The following RHOQ variants were observed in gnomAD, a reference collection of about 807,000 sequenced individuals.
RHOQ encodes ras homolog family member Q, also known as rho-related GTP-binding protein RhoQ.
RHOQ carries 7 observed loss-of-function variants against 25.8 expected under a neutral mutation model. The observed-to-expected ratio is 0.27, with a 90% CI of 0.15 to 0.51. RHOQ has a LOEUF of 0.51. Ranked by LOEUF, RHOQ falls within the 20% of genes least tolerant of loss-of-function variation. The pLI is 0.97. For synonymous variants in RHOQ, 97 were observed against 98.6 expected, an observed-to-expected ratio of 0.98 and a Z score of 0.10; for missense variants, 165 against 260.6, an observed-to-expected ratio of 0.63 and a Z score of 2.53.
At position 46,543,145 on chromosome 2, in the gene RHOQ, C is replaced by T. The variant is rs773664456; in HGVS notation, c.99C>T (p.Ala33=). 5 of 1,612,286 alleles carry T rather than the reference C, an allele frequency of 3.1e-6. No homozygotes were observed. In the Admixed American group the frequency reaches 6.7e-5, roughly 22 times the overall value. The change falls in exon 1 of 5, where the codon GCC becomes GCT. Residue 33 remains alanine, a synonymous_variant. Coordinates refer to ENST00000238738, the MANE Select transcript of RHOQ (RefSeq NM_012249.4). The part of the protein sequence containing the change: ...TCLLMSYAND[A]FPEEYVPTVF... Reference sequence around the variant, plus strand: ...TACTCATGAGCTATGCCAACGACGCCTTCCCGGAGGAGTACGTGCCCACCG... The same window carrying T: ...TACTCATGAGCTATGCCAACGACGCTTTCCCGGAGGAGTACGTGCCCACCG...
chr2:46,551,105 G>C (rs931030174), intron 2 of RHOQ, among the ~76,000 whole-genome samples: 3 of 152,174 alleles, frequency 2.0e-5, no homozygotes, highest in Non-Finnish European at 4.4e-5. Flanking sequence ...CCCAGCAAGG[G>C]GCTTAACCTT....
chr2:46,543,928 C>A, intron 2 of RHOQ, 116 bp downstream of exon 2: 2 of 791,762 alleles, frequency 2.5e-6, no homozygotes, highest in Non-Finnish European at 4.2e-6. Context: ...CGACGGGCTT[C>A]CCCTGGATTA....
At chr2:46,575,734 TATTA>T (rs767072486) in intron 2 of RHOQ, among the ~76,000 whole-genome samples, 4 of 152,334 alleles carry the variant, frequency 2.6e-5, no homozygotes, top group South Asian at 2.1e-4. Flanking sequence ...ATTTAGCATG[TATTA>T]ATTATTATAA....
Position 46,569,021 on chromosome 2 carries a change from A to G in RHOQ, c.202-7066A>G, listed in dbSNP as rs1668827398. The G allele has an allele frequency of 1.3e-5, 2 of 152,236 alleles. No homozygotes were observed. The highest frequency in any genetic ancestry group is 4.1e-4 in the South Asian group (2 of 4,830). 9.4% of individuals were successfully genotyped at this position (152,236 alleles called of 1,614,324 possible). The stretch of plus-strand genomic sequence containing the variant: ...GTTTTAGTGCAAGAGACTTGTAATT[A>G]TAGCTCCAGACAATATGGAATTTCA... On this transcript the variant is annotated intron_variant, in intron 2 of 4. Coordinates refer to ENST00000238738, the MANE Select transcript of RHOQ (RefSeq NM_012249.4). The surrounding 1 kb of genome is among the most constrained non-coding windows in gnomAD (Gnocchi z 4.1).
Position 46,561,385 on chromosome 2 carries a change from G to A in RHOQ, c.202-14702G>A, listed in dbSNP as rs576394548. ...AAGAAAAGAGCACAGAAAGAGTCAT[G>A]TGGGAGAAGCTGGGGTGGATGGGGA... On this transcript the variant is annotated intron_variant, in intron 2 of 4. Transcript: ENST00000238738. Among the ~76,000 whole-genome samples the A allele has an allele frequency of 4.6e-5, 7 of 152,252 alleles. No homozygotes were observed. In the East Asian group the frequency reaches 5.8e-4, roughly 13 times the overall value.
At chr2:46,562,656 G>A (rs1668611213) in intron 2 of RHOQ, among the ~76,000 whole-genome samples, 1 of 152,180 alleles carries the variant, frequency 6.6e-6, no homozygotes, top group Admixed American at 6.5e-5. Flanking sequence ...AAAGTGGGCC[G>A]AGAGGACTCC....
chr2:46,560,669 C>T (rs779733797), intron 2 of RHOQ: 1 of 455,534 alleles, frequency 2.2e-6, no homozygotes, highest in South Asian at 1.5e-5. Context: ...CCAGCATCCG[C>T]TGTCTTACTG....
At chr2:46,543,915 C>G in intron 2 of RHOQ, 103 bp downstream of exon 2, 2 of 878,664 alleles carry the variant, frequency 2.3e-6, no homozygotes, top group Non-Finnish European at 3.6e-6. Context: ...GAGGGTGTGT[C>G]TGCGACGGGC....
chr2:46,542,994 G>T lies in RHOQ; in HGVS notation c.-53G>T. The T allele has an allele frequency of 7.2e-7, 1 of 1,389,932 alleles. No homozygotes were observed. The highest frequency in any genetic ancestry group is 9.4e-7 in the Non-Finnish European group (1 of 1,061,550). 86.1% of individuals were successfully genotyped at this position (1,389,932 alleles called of 1,614,324 possible). On this transcript the variant is annotated 5_prime_UTR_variant, in exon 1 of 5. Coordinates refer to ENST00000238738, the MANE Select transcript of RHOQ (RefSeq NM_012249.4). ...CCAGGCGGGCTGGGGCTGAGCCCGGGGCCGGGGCGGGGGCTCCGGGGGGAC... is the reference window on the plus strand; with the variant it reads ...CCAGGCGGGCTGGGGCTGAGCCCGGTGCCGGGGCGGGGGCTCCGGGGGGAC...
Position 46,576,004 on chromosome 2 carries a change from C to A in RHOQ, c.202-83C>A. ...TAGTGGAGTACTCCTGAATTTGCATCTTTGACCATGTAATCTAATGTACAT... is the reference window on the plus strand; with the variant it reads ...TAGTGGAGTACTCCTGAATTTGCATATTTGACCATGTAATCTAATGTACAT... On this transcript the variant is annotated intron_variant, in intron 2 of 4. Coordinates refer to ENST00000238738, the MANE Select transcript of RHOQ (RefSeq NM_012249.4). The surrounding 1 kb of genome is among the most constrained non-coding windows in gnomAD (Gnocchi z 5.1). 1 of 1,220,382 alleles carries A rather than the reference C, an allele frequency of 8.2e-7. No individual in the cohort carries two copies. The highest frequency in any genetic ancestry group is 1.1e-6 in the Non-Finnish European group (1 of 902,094). The allele number at this position is 1,220,382 out of a possible 1,614,324, so 75.6% of individuals were successfully genotyped here.
rs1400368751 is a variant in RHOQ, at chr2:46,569,994, T to G, written c.202-6093T>G. 6.6e-6 allele frequency among the ~76,000 whole-genome samples: 1 copy of G among 152,192 alleles called. No homozygotes were observed. The highest frequency in any genetic ancestry group is 1.5e-5 in the Non-Finnish European group (1 of 68,044). On this transcript the variant is annotated intron_variant, in intron 2 of 4. Transcript: ENST00000238738. The surrounding 1 kb of genome is among the most constrained non-coding windows in gnomAD (Gnocchi z 4.1). The stretch of plus-strand genomic sequence containing the variant: ...TCAGTAAACTCATCACTGGTGAGTT[T>G]TGAACCAAACTTACCAAAGTGTTTT...
intron 2 of RHOQ, among the ~76,000 whole-genome samples, chr2:46,570,485 T>A (rs1558690451): frequency 6.6e-6 from 1 of 152,180 alleles, no homozygotes; most frequent in South Asian, 2.1e-4. Flanking sequence ...TAGGCTACTC[T>A]GACCAAGCAT....
At chr2:46,573,826 A>G (rs779421775) in intron 2 of RHOQ, among the ~76,000 whole-genome samples, 2 of 152,248 alleles carry the variant, frequency 1.3e-5, no homozygotes, top group Non-Finnish European at 2.9e-5. Flanking sequence ...TTAAATATAA[A>G]TCTATTTTTG....
At chr2:46,543,634 G>A (rs1667924131) in intron 1 of RHOQ, 120 bp from the exon 2 acceptor site, 2 of 815,408 alleles carry the variant, frequency 2.5e-6, no homozygotes, top group African/African-American at 1.7e-5. Context: ...GACATCTCGC[G>A]GGGAGCGCCC....
chr2:46,565,407 T>G (rs1239456270), intron 2 of RHOQ, among the ~76,000 whole-genome samples: 2 of 152,136 alleles, frequency 1.3e-5, no homozygotes, highest in African/African-American at 4.8e-5. Context: ...GTCAAGACAA[T>G]GCAGAAAAAG....
chr2:46,582,122 A>G lies in RHOQ; in HGVS notation c.*1039A>G, dbSNP rs1217648302. 1 of 154,132 alleles carries G rather than the reference A, an allele frequency of 6.5e-6. No homozygotes were observed. 9.5% of individuals were successfully genotyped at this position (154,132 alleles called of 1,614,324 possible). On this transcript the variant is annotated 3_prime_UTR_variant, in exon 5 of 5. Coordinates refer to ENST00000238738, the MANE Select transcript of RHOQ (RefSeq NM_012249.4). ...AGATGTTGGAACCACAGCAGAAGTTATAGAGCGACAACTTATATACACACC... is the reference window on the plus strand; with the variant it reads ...AGATGTTGGAACCACAGCAGAAGTTGTAGAGCGACAACTTATATACACACC...
intron 2 of RHOQ, among the ~76,000 whole-genome samples, chr2:46,545,762 G>C (rs1668024360): frequency 1.3e-5 from 2 of 152,116 alleles, no homozygotes; most frequent in African/African-American, 4.8e-5. Context: ...CATAGTTGTG[G>C]TACCTGTAAT....
rs533260750 is a variant in RHOQ, at chr2:46,543,678, C to A, written c.143-76C>A. ...CTAGCTGGGTTGGGAGAGGAGGGTC[C>A]GGGTGGGGAGCGAAATTGCCCCAGA... On this transcript the variant is annotated intron_variant, in intron 1 of 4. Transcript: ENST00000238738. The A allele has an allele frequency of 5.2e-6, 7 of 1,357,650 alleles. No homozygotes were observed. The Admixed American group carries it at 1.3e-4, about 25-fold the overall frequency. 84.1% of individuals were successfully genotyped at this position (1,357,650 alleles called of 1,614,324 possible).
chr2:46,547,177 C>A (rs926555942), intron 2 of RHOQ, among the ~76,000 whole-genome samples: 1 of 152,226 alleles, frequency 6.6e-6, no homozygotes, highest in Non-Finnish European at 1.5e-5. Context: ...GGTCAGTTGC[C>A]TTCTCTCCAA....
Sources: gnomAD v4.1 joint callset for allele counts (sites outside exome capture counted in the v4.1 genomes callset) on GRCh38, gnomAD v4.1.1 for gene constraint, Gnocchi (gnomAD v3.1) non-coding constraint, MANE v1.5 for transcripts, NCBI Gene and HGNC (gene_info 2026-07-23, HGNC 2026-07-21) for gene names.